Variants in TCF20 observed in about 807,000 individuals in gnomAD.
TCF20 encodes SPRE-binding protein.
TCF20 carries 3 observed loss-of-function variants against 148.6 expected under a neutral mutation model. That is an observed-to-expected ratio of 0.02 (90% CI 0.01 to 0.05). The LOEUF is 0.05. Among genes scored for constraint, TCF20 ranks in the 10% least tolerant of loss-of-function variants. The pLI is 1.00. For synonymous variants in TCF20, 1,049 were observed against 909.5 expected (o/e 1.15, Z -2.76); for missense variants, 2,350 against 2,429.3 (o/e 0.97, Z 0.69).
intron 2 of TCF20, among the ~76,000 whole-genome samples, chr22:42,198,818 C>G (rs960313649): frequency 6.6e-6 from 1 of 152,064 alleles, no homozygotes. Flanking sequence ...CCCGCCACCA[C>G]GTCCAGCTAA....
chr22:42,224,243 G>C (rs1321726082), intron 1 of TCF20, among the ~76,000 whole-genome samples: 1 of 152,010 alleles, frequency 6.6e-6, no homozygotes, highest in East Asian at 1.9e-4. Flanking sequence ...AGGCCGAGGT[G>C]GGCGGATAAC....
chr22:42,262,822 T>C (rs1601676584), intron 1 of TCF20, among the ~76,000 whole-genome samples: 1 of 152,224 alleles, frequency 6.6e-6, no homozygotes, highest in African/African-American at 2.4e-5. Flanking sequence ...CATCTTCTAT[T>C]CCCCTTATGA....
intron 3 of TCF20, among the ~76,000 whole-genome samples, chr22:42,173,104 C>T (rs778336772): frequency 1.3e-5 from 2 of 149,126 alleles, no homozygotes; most frequent in African/African-American, 5.1e-5. Flanking sequence ...GAATTCCCAG[C>T]TGTTTTTTCA....
chr22:42,241,169 T>C (rs1441653614), intron 1 of TCF20, among the ~76,000 whole-genome samples: 1 of 152,206 alleles, frequency 6.6e-6, no homozygotes, highest in African/African-American at 2.4e-5. Flanking sequence ...TCAACTTGTA[T>C]TAAAATGATC....
At chr22:42,311,277 T>C (rs1343519392) in intron 1 of TCF20, among the ~76,000 whole-genome samples, 1 of 152,112 alleles carries the variant, frequency 6.6e-6, no homozygotes, top group East Asian at 1.9e-4. Flanking sequence ...AAGTGCTTCA[T>C]CTCCTGGCAC....
intron 1 of TCF20, among the ~76,000 whole-genome samples, chr22:42,316,154 C>T (rs1243785017): frequency 2.0e-5 from 3 of 148,120 alleles, no homozygotes; most frequent in South Asian, 2.2e-4. Flanking sequence ...GAGGCCACAT[C>T]AAGGCAGGAT....
intron 1 of TCF20, among the ~76,000 whole-genome samples, chr22:42,250,498 T>A (rs957982568): frequency 2.6e-5 from 4 of 151,852 alleles, no homozygotes; most frequent in African/African-American, 9.7e-5. Flanking sequence ...GTCCTTTTTT[T>A]ATACTGTTTT....
At position 42,213,678 on chromosome 22, in the gene TCF20, C is replaced by A; in HGVS notation, c.1628G>T (p.Ser543Ile). The A allele has an allele frequency of 6.2e-7, 1 of 1,614,056 alleles. No individual in the cohort carries two copies. Among genetic ancestry groups the A allele is most frequent in the Non-Finnish European group, 8.5e-7 (1 of 1,179,946 alleles). ...RVRQLSGQST[S>I]SDTTYKGGAS... Reference sequence around the variant, plus strand: ...TCCACCCTTGTAGGTGGTGTCAGAGCTGGTGCTCTGGCCACTTAGTTGCCG... The same window carrying A: ...TCCACCCTTGTAGGTGGTGTCAGAGATGGTGCTCTGGCCACTTAGTTGCCG... Residue 543 changes from serine to isoleucine, a missense_variant, in exon 2 of 6, where the codon AGC becomes ATC. Physicochemically the swap from Ser to Ile is moderately radical, Grantham distance 142 (BLOSUM62 -2). Transcript: ENST00000677622.
intron 2 of TCF20, among the ~76,000 whole-genome samples, chr22:42,199,280 T>C (rs1381103702): frequency 6.6e-6 from 1 of 152,134 alleles, no homozygotes; most frequent in African/African-American, 2.4e-5. Flanking sequence ...GTGGCCAATT[T>C]TTCTTTTCTT....
chr22:42,239,794 AAAAT>A (rs1303335915), intron 1 of TCF20, among the ~76,000 whole-genome samples: 1 of 152,232 alleles, frequency 6.6e-6, no homozygotes, highest in African/African-American at 2.4e-5. Context: ...CTCCGACTCA[AAAAT>A]AAATAAAATA....
intron 4 of TCF20, among the ~76,000 whole-genome samples, chr22:42,169,354 C>T (rs1371520056): frequency 6.6e-6 from 1 of 151,982 alleles, no homozygotes; most frequent in East Asian, 1.9e-4. Flanking sequence ...AAGTGGAGCC[C>T]GAGACAGCCC....
intron 1 of TCF20, among the ~76,000 whole-genome samples, chr22:42,256,820 C>T (rs919421667): frequency 1.3e-5 from 2 of 152,042 alleles, no homozygotes; most frequent in Non-Finnish European, 2.9e-5. Flanking sequence ...CAGGCATGTT[C>T]TCTACACTTC....
intron 1 of TCF20, among the ~76,000 whole-genome samples, chr22:42,254,827 T>A (rs1297836870): frequency 6.6e-6 from 1 of 151,298 alleles, no homozygotes; most frequent in Non-Finnish European, 1.5e-5. Flanking sequence ...TAGCCGCGGG[T>A]GGAGGCGGGC....
At chr22:42,206,142 A>T (rs1232966251) in intron 2 of TCF20, among the ~76,000 whole-genome samples, 1 of 152,224 alleles carries the variant, frequency 6.6e-6, no homozygotes, top group Non-Finnish European at 1.5e-5. Context: ...ACTGATTATC[A>T]ATTATTGCTA....
intron 1 of TCF20, among the ~76,000 whole-genome samples, chr22:42,312,001 A>C (rs550777908): frequency 6.6e-6 from 1 of 152,326 alleles, no homozygotes; most frequent in South Asian, 2.1e-4. Context: ...ACAAACGGTA[A>C]AACTTCTGCC....
chr22:42,258,273 C>T (rs1033983971), intron 1 of TCF20, among the ~76,000 whole-genome samples: 4 of 151,928 alleles, frequency 2.6e-5, no homozygotes, highest in Admixed American at 6.5e-5. Context: ...CCTCCCCCCC[C>T]TTCCCTAGGC....
intron 1 of TCF20, among the ~76,000 whole-genome samples, chr22:42,341,288 C>T (rs1377370415): frequency 1.3e-5 from 2 of 152,176 alleles, no homozygotes; most frequent in African/African-American, 2.4e-5. Flanking sequence ...TTCCCTCTCC[C>T]GACAGGTCAA....
intron 1 of TCF20, among the ~76,000 whole-genome samples, chr22:42,240,232 C>G (rs1924274837): frequency 6.6e-6 from 1 of 152,160 alleles, no homozygotes; most frequent in Non-Finnish European, 1.5e-5. Context: ...AGGGGCAGAG[C>G]TGGGATTCAA....
At chr22:42,260,519 G>C (rs998335402) in intron 1 of TCF20, among the ~76,000 whole-genome samples, 1 of 152,094 alleles carries the variant, frequency 6.6e-6, no homozygotes, top group Non-Finnish European at 1.5e-5. Flanking sequence ...GAGATGAGAG[G>C]GAACAAATTC....
Sources: gnomAD v4.1 joint callset for allele counts (sites outside exome capture counted in the v4.1 genomes callset) on GRCh38, gnomAD v4.1.1 for gene constraint, MANE v1.5 for transcripts, NCBI Gene and HGNC (gene_info 2026-07-23, HGNC 2026-07-21) for gene names.